The following MYRF variants were observed in gnomAD, a reference collection of about 807,000 sequenced individuals.
MYRF encodes myelin regulatory factor.
MYRF carries 16 observed loss-of-function variants against 126.3 expected under a neutral mutation model. That is an observed-to-expected ratio of 0.13 (90% CI 0.09 to 0.19). The LOEUF is 0.19. Among genes scored for constraint, MYRF ranks in the 10% least tolerant of loss-of-function variants. The pLI, the probability that MYRF is intolerant of heterozygous loss-of-function variation, is 1.00. For missense variants in MYRF, 1,104 were observed against 1,547.0 expected, an observed-to-expected ratio of 0.71 and a Z score of 4.80; for synonymous variants, 608 against 635.3, an observed-to-expected ratio of 0.96 and a Z score of 0.65.
At chr11:61,756,366 A>G (rs2065755312) in intron 1 of MYRF, among the ~76,000 whole-genome samples, 1 of 152,100 alleles carries the variant, frequency 6.6e-6, no homozygotes. Flanking sequence ...AGGAGGTCCC[A>G]GGTAGAGACT....
rs369744463 is a variant in MYRF at position 61,773,957 on chromosome 11, G to A, written c.1116-10G>A. ...GGGCCTCAGGGGAGTGCCCTCACCCGCCCCCCCAGGCCCATGCTCACCTAC... is the reference window on the plus strand; with the variant it reads ...GGGCCTCAGGGGAGTGCCCTCACCCACCCCCCCAGGCCCATGCTCACCTAC... On this transcript the variant is annotated splice_polypyrimidine_tract_variant and intron_variant, in intron 7 of 26. Transcript: ENST00000278836. The A allele has an allele frequency of 3.9e-5, 35 of 888,520 alleles. No individual in the cohort carries two copies. Among genetic ancestry groups the A allele is most frequent in the Non-Finnish European group, 4.7e-5 (27 of 570,752 alleles). The allele number at this position is 888,520 out of a possible 1,614,324, so 55.0% of individuals were successfully genotyped here. A position where few individuals can be genotyped will look rare whatever the true frequency, so the allele number is the denominator to read the frequency against.
intron 1 of MYRF, chr11:61,754,425 G>A (rs1273938708): frequency 2.0e-5 from 3 of 152,430 alleles, no homozygotes. Flanking sequence ...AGCTCTCGAG[G>A]GGCCTGACGC....
In MYRF at chr11:61,769,286, C is replaced by T; in HGVS notation, c.425C>T (p.Ser142Leu). ...ACACTGCCGGACTCTCCCCCAGACT[C>T]GGGCTCCGAGGCCTACTCCCCCCAG... ...PGTLPDSPPD[S>L]GSEAYSPQQV... The change falls in exon 4 of 27, where the codon TCG becomes TTG. Residue 142 changes from serine to leucine, a missense_variant. Physicochemically the swap from Ser to Leu is moderately radical, Grantham distance 145. Coordinates refer to ENST00000278836, the MANE Select transcript of MYRF (RefSeq NM_001127392.3). 1 of 1,609,106 alleles carries T rather than the reference C, an allele frequency of 6.2e-7. No homozygotes were observed. The highest frequency in any genetic ancestry group is 8.5e-7 in the Non-Finnish European group (1 of 1,178,288).
rs1481490980 is a variant in MYRF at position 61,776,166 on chromosome 11, G to A, written c.1388+34G>A. 2 of 1,610,382 alleles carry A rather than the reference G, an allele frequency of 1.2e-6. No homozygotes were observed. The highest frequency in any genetic ancestry group is 1.1e-5 in the South Asian group (1 of 91,022). On this transcript the variant is annotated intron_variant, in intron 9 of 26. Transcript: ENST00000278836. This position sits in a 1 kb window ranked among gnomAD's most constrained non-coding sequence, Gnocchi z 4.3. ...CTGACCCTGTTGGGGGTGGTACCTA[G>A]AAGGGTCCACAACTAAAGCTGGCTT...
At position 61,771,655 on chromosome 11, in the gene MYRF, C is replaced by T; in HGVS notation, c.896C>T (p.Pro299Leu). 6.2e-7 allele frequency: 1 copy of T among 1,613,912 alleles called. No individual in the cohort carries two copies. Among genetic ancestry groups the T allele is most frequent in the Non-Finnish European group, 8.5e-7 (1 of 1,179,998 alleles). The change falls in exon 6 of 27, where the codon CCC becomes CTC. Residue 299 changes from proline to leucine, a missense_variant. By Grantham distance (98) the Pro-to-Leu change is moderately conservative. Transcript: ENST00000278836. Reference sequence around the variant, plus strand: ...CGAGCCCCATCGCCACCCTGGCCTCCCCAGGGTCCGCTCTCCCCGGGCCCT... The same window carrying T: ...CGAGCCCCATCGCCACCCTGGCCTCTCCAGGGTCCGCTCTCCCCGGGCCCT... The part of the protein sequence containing the change: ...PTRAPSPPWP[P>L]QGPLSPGPGS...
chr11:61,784,148 C>A, intron 24 of MYRF, 132 bp from the exon 25 acceptor site: 1 of 1,013,536 alleles, frequency 9.9e-7, no homozygotes, highest in South Asian at 1.5e-5. Context: ...AGGTTTTGTT[C>A]GAGGGCCCTG....
rs762286997 is a variant in MYRF, at chr11:61,783,964, G to A, written c.3194+39G>A. On this transcript the variant is annotated intron_variant, in intron 24 of 26. Coordinates refer to ENST00000278836, the MANE Select transcript of MYRF (RefSeq NM_001127392.3). This position sits in a 1 kb window ranked among gnomAD's most constrained non-coding sequence, Gnocchi z 4.6. ...TGGGGAAGTGGGAGGCAGGAGGGGA[G>A]CCAGGGAGAATCTCCCGCAGAGCCT... is the stretch of plus-strand genomic sequence containing the variant. The A allele has an allele frequency of 1.9e-6, 3 of 1,571,236 alleles. No individual in the cohort carries two copies. Among genetic ancestry groups the A allele is most frequent in the East Asian group, 2.3e-5 (1 of 43,164 alleles).
Position 61,783,818 on chromosome 11 carries a change from C to T in MYRF, c.3120-33C>T. ...GTGGGGGTGGGGGGTGGCAGGGTAC[C>T]CTCAGGCTAAGGTGCCAGTTTTGCC... is the stretch of plus-strand genomic sequence containing the variant. On this transcript the variant is annotated intron_variant, in intron 23 of 26. Transcript: ENST00000278836. This position sits in a 1 kb window ranked among gnomAD's most constrained non-coding sequence, Gnocchi z 4.6. 1.3e-6 allele frequency: 2 copies of T among 1,566,678 alleles called. No homozygotes were observed. The highest frequency in any genetic ancestry group is 8.7e-7 in the Non-Finnish European group (1 of 1,154,580).
At position 61,776,693 on chromosome 11, in the gene MYRF, A is replaced by T; in HGVS notation, c.1500-94A>T. 1 of 1,026,634 alleles carries T rather than the reference A, an allele frequency of 9.7e-7. No individual in the cohort carries two copies. The highest frequency in any genetic ancestry group is 1.4e-6 in the Non-Finnish European group (1 of 702,898). 63.6% of individuals were successfully genotyped at this position (1,026,634 alleles called of 1,614,324 possible). A position where few individuals can be genotyped will look rare whatever the true frequency, so the allele number is the denominator to read the frequency against. On this transcript the variant is annotated intron_variant, in intron 10 of 26. Transcript: ENST00000278836. This position sits in a 1 kb window ranked among gnomAD's most constrained non-coding sequence, Gnocchi z 4.3. The stretch of plus-strand genomic sequence containing the variant: ...GAGGCTCGGGTTCCTCCTCTGTAGG[A>T]GGGGGTGAGATGAACATGCATCTGG...
At position 61,770,514 on chromosome 11, in the gene MYRF, G is replaced by T. The variant is rs747961346; in HGVS notation, c.729G>T (p.Gln243His). The T allele has an allele frequency of 8.3e-6, 13 of 1,562,902 alleles. No individual in the cohort carries two copies. In the South Asian group the frequency reaches 1.5e-4, roughly 18 times the overall value. ...QSQMLHQLLQ[Q>H]HGAELPTHPS... ...AGATGCTGCACCAGCTCCTGCAGCA[G>T]CACGGAGCTGAGTAAGACGTGGGTG... is the stretch of plus-strand genomic sequence containing the variant. Residue 243 changes from glutamine (Q) to histidine (H), a missense_variant, in exon 5 of 27, where the codon CAG (glutamine) becomes CAT (histidine). Around this residue, in one of 10 missense-constraint regions of MYRF, gnomAD observed 368 missense variants for 403.9 expected, o/e 0.91. Transcript: ENST00000278836.
At chr11:61,771,447 G>A (rs2066215802) in intron 5 of MYRF, 53 bp from the exon 6 acceptor site, 1 of 1,577,658 alleles carries the variant, frequency 6.3e-7, no homozygotes, top group Admixed American at 1.7e-5. Flanking sequence ...ACTACCCAGT[G>A]GGAGGGGCTC....
Position 61,783,505 on chromosome 11 carries a change from C to G in MYRF, c.3024C>G (p.Leu1008=). Residue 1008 remains leucine (L), a synonymous_variant, in exon 23 of 27, where the codon CTC becomes CTG. Coordinates refer to ENST00000278836, the MANE Select transcript of MYRF (RefSeq NM_001127392.3). The surrounding 1 kb of genome is among the most constrained non-coding windows in gnomAD (Gnocchi z 4.6). ...TTACTCCTGCCCCAACAGCCTCTCT[C>G]CTTGCAGAGCCAGTGCCCTCCCTGA... is the stretch of plus-strand genomic sequence containing the variant. ...PTWAQGQSAS[L]LAEPVPSLTS... 6.2e-7 allele frequency: 1 copy of G among 1,613,556 alleles called. No individual in the cohort carries two copies. Among genetic ancestry groups the G allele is most frequent in the Non-Finnish European group, 8.5e-7 (1 of 1,179,818 alleles).
chr11:61,765,983 G>T lies in MYRF; in HGVS notation c.160G>T (p.Ala54Ser). The change falls in exon 3 of 27, where the codon GCC becomes TCC. Residue 54 changes from alanine (A) to serine (S), a missense_variant. Coordinates refer to ENST00000278836, the MANE Select transcript of MYRF (RefSeq NM_001127392.3). ...CTGCTTCCCTGACATCTCTGCTCCA[G>T]CCAGCTCGGCCTCCTACTCCCACGG... ...DLCFPDISAP[A>S]SSASYSHGQP... is the part of the protein sequence containing the mutation. The T allele has an allele frequency of 1.3e-6, 2 of 1,551,244 alleles. No homozygotes were observed. The highest frequency in any genetic ancestry group is 4.6e-5 in the East Asian group (2 of 43,468).
chr11:61,783,406 A>G lies in MYRF; in HGVS notation c.3017-92A>G. 1 of 930,374 alleles carries G rather than the reference A, an allele frequency of 1.1e-6. No homozygotes were observed. The highest frequency in any genetic ancestry group is 1.7e-6 in the Non-Finnish European group (1 of 580,002). The allele number at this position is 930,374 out of a possible 1,614,324, so 57.6% of individuals were successfully genotyped here. A position where few individuals can be genotyped will look rare whatever the true frequency, so the allele number is the denominator to read the frequency against. On this transcript the variant is annotated intron_variant, in intron 22 of 26. Coordinates refer to ENST00000278836, the MANE Select transcript of MYRF (RefSeq NM_001127392.3). The surrounding 1 kb of genome is among the most constrained non-coding windows in gnomAD (Gnocchi z 4.6). ...AAATAACCTGGAACTTATTCATACT[A>G]AGGTGTGAGTGACTGCTTCAAGTCT...
rs2066450897 is a variant in MYRF, at chr11:61,778,579, T to C, written c.2013+90T>C. ...TCACCTCCATAGATACTGGGGGCACTGCAAAGCAGAGGCAGGAGCACCCTC... is the reference window on the plus strand; with the variant it reads ...TCACCTCCATAGATACTGGGGGCACCGCAAAGCAGAGGCAGGAGCACCCTC... On this transcript the variant is annotated intron_variant, in intron 14 of 26. Coordinates refer to ENST00000278836, the MANE Select transcript of MYRF (RefSeq NM_001127392.3). The surrounding 1 kb of genome is among the most constrained non-coding windows in gnomAD (Gnocchi z 4.6). The C allele has an allele frequency of 1.0e-6, 1 of 971,170 alleles. No individual in the cohort carries two copies. The highest frequency in any genetic ancestry group is 1.7e-6 in the Non-Finnish European group (1 of 602,350). 60.2% of individuals were successfully genotyped at this position (971,170 alleles called of 1,614,324 possible).
intron 1 of MYRF, chr11:61,754,469 A>AT (rs1284432072): frequency 6.6e-6 from 1 of 152,328 alleles, no homozygotes; most frequent in African/African-American, 2.4e-5. Context: ...GGGACCAGAC[A>AT]TTCGTGCTTG....
rs1591120778 is a variant in MYRF at position 61,778,170 on chromosome 11, C to T, written c.1904-210C>T. Among the ~76,000 whole-genome samples, 1 of 152,164 alleles carries T rather than the reference C, an allele frequency of 6.6e-6. No homozygotes were observed. The highest frequency in any genetic ancestry group is 2.4e-5 in the African/African-American group (1 of 41,440). On this transcript the variant is annotated intron_variant, in intron 13 of 26. Coordinates refer to ENST00000278836, the MANE Select transcript of MYRF (RefSeq NM_001127392.3). This position sits in a 1 kb window ranked among gnomAD's most constrained non-coding sequence, Gnocchi z 4.6. The stretch of plus-strand genomic sequence containing the variant: ...CCTTACCCCCAGGAATCCGCCCCAC[C>T]CCAGCCCAGGAACCTCACACCTGAG...
chr11:61,766,365 G>A, intron 3 of MYRF, 144 bp downstream of exon 3: 2 of 870,474 alleles, frequency 2.3e-6, no homozygotes, highest in Non-Finnish European at 3.4e-6. Flanking sequence ...GGTGAGGGAA[G>A]GGAGGATGAG....
chr11:61,759,291 T>G (rs2065842780), intron 1 of MYRF, among the ~76,000 whole-genome samples: 1 of 152,170 alleles, frequency 6.6e-6, no homozygotes, highest in Non-Finnish European at 1.5e-5. Context: ...TATGTTGACC[T>G]GAGGACAGGG....
Sources: gnomAD v4.1 joint callset for allele counts (sites outside exome capture counted in the v4.1 genomes callset) on GRCh38, gnomAD v4.1.1 for gene constraint, gnomAD v4.1.1 regional missense constraint, Gnocchi (gnomAD v3.1) non-coding constraint, MANE v1.5 for transcripts, NCBI Gene and HGNC (gene_info 2026-07-23, HGNC 2026-07-21) for gene names.